GJA8: variants seen among roughly 807,000 people sequenced by gnomAD.
The protein encoded by GJA8 is gap junction protein alpha 8.
Under a neutral mutation model 15.3 loss-of-function variants are expected in GJA8, and 13 were observed. The observed-to-expected ratio is 0.85, with a 90% CI of 0.55 to 1.35. GJA8 has a LOEUF of 1.35. Ranked by LOEUF, GJA8 falls within the 40% of genes most tolerant of loss-of-function variation. The pLI, the probability that GJA8 is intolerant of heterozygous loss-of-function variation, is 0.00. For synonymous variants in GJA8, 304 were observed against 238.7 expected, an observed-to-expected ratio of 1.27 and a Z score of -2.52; for missense variants, 607 against 553.3, an observed-to-expected ratio of 1.10 and a Z score of -0.97.
At chr1:147,907,708 G>GTAT (rs1651853143) in intron 1 of GJA8, among the ~76,000 whole-genome samples, 1 of 152,204 alleles carries the variant, frequency 6.6e-6, no homozygotes, top group South Asian at 2.1e-4. Context: ...ATGAGAATAG[G>GTAT]TATTATTATT....
intron 1 of GJA8, among the ~76,000 whole-genome samples, chr1:147,906,695 G>A (rs1326947752): frequency 6.6e-6 from 1 of 152,088 alleles, no homozygotes; most frequent in Non-Finnish European, 1.5e-5. Context: ...TTTCAACCTA[G>A]AGAAGAGGAA....
chr1:147,903,463 G>C (rs1553241879), intron 1 of GJA8, among the ~76,000 whole-genome samples: 1 of 152,194 alleles, frequency 6.6e-6, no homozygotes, highest in East Asian at 1.9e-4. Context: ...AGAGTGGTAA[G>C]TGGCCATTGA....
At chr1:147,912,568 A>C (rs587705634), downstream of GJA8, among the ~76,000 whole-genome samples, 89 of 152,302 alleles carry the variant, frequency 5.8e-4, no homozygotes, top group African/African-American at 1.9e-3. Context: ...TACACCACTC[A>C]GCATCTGTTT....
chr1:147,910,213 A>C (rs1652056488), downstream of GJA8, among the ~76,000 whole-genome samples: 1 of 152,198 alleles, frequency 6.6e-6, no homozygotes, highest in South Asian at 2.1e-4. Context: ...TTGGCAACTA[A>C]ATTTTAAATA....
At chr1:147,909,293 T>C, downstream of GJA8, 1 of 1,360,904 alleles carries the variant, frequency 7.3e-7, no homozygotes, top group Non-Finnish European at 1.0e-6. Context: ...ACGCCCAAGC[T>C]TACGTAGGGC....
At chr1:147,911,551 C>G (rs887738152), downstream of GJA8, among the ~76,000 whole-genome samples, 1 of 152,118 alleles carries the variant, frequency 6.6e-6, no homozygotes. Context: ...CTTGGAGGCA[C>G]GTGATTTTCT....
chr1:147,908,896 G>C lies in GJA8; in HGVS notation c.941G>C (p.Arg314Pro). ...ACAGGACCCCTGGGGGACTTGTCCC[G>C]GGGCTACCAAGAGACACTGCCTTCC... Reference protein sequence around the residue: ...ISTGPLGDLSRGYQETLPSYA... With the variant: ...ISTGPLGDLSPGYQETLPSYA... Residue 314 changes from arginine (R) to proline (P), a missense_variant, in exon 2 of 2, where the codon CGG (arginine) becomes CCG (proline). Arg to Pro is a moderately radical substitution (Grantham distance 103, BLOSUM62 -2). Transcript: ENST00000369235. 1 of 1,613,842 alleles carries C rather than the reference G, an allele frequency of 6.2e-7. No homozygotes were observed. The highest frequency in any genetic ancestry group is 1.3e-5 in the African/African-American group (1 of 75,030).
chr1:147,909,284 C>T (rs781801826), downstream of GJA8: 17 of 1,049,270 alleles, frequency 1.6e-5, no homozygotes, highest in East Asian at 1.2e-4. Context: ...AAAAAAAAAA[C>T]GCCCAAGCTT....
At position 147,903,196 on chromosome 1, in the gene GJA8, T is replaced by C. The variant is rs190437558; in HGVS notation, c.-12+335T>C. Among the ~76,000 whole-genome samples the C allele has an allele frequency of 2.3e-3, 350 of 152,364 alleles. 2 individuals carry two copies. The highest frequency in any genetic ancestry group is 8.2e-3 in the African/African-American group (342 of 41,586). ...ACCTAAACCAAGTATTTGATATTTA[T>C]GAAAAAGTTTTGTGCCCTTTTCACT... On this transcript the variant is annotated intron_variant, in intron 1 of 1. Transcript: ENST00000369235.
chr1:147,910,882 G>T (rs1160113672), downstream of GJA8, among the ~76,000 whole-genome samples: 1 of 152,146 alleles, frequency 6.6e-6, no homozygotes, highest in Admixed American at 6.5e-5. Context: ...AGAGGCTAAA[G>T]GGAACAAGAA....
chr1:147,902,902 C>G (rs1398599083), intron 1 of GJA8, among the ~76,000 whole-genome samples, 41 bp downstream of exon 1: 2 of 152,174 alleles, frequency 1.3e-5, no homozygotes, highest in East Asian at 1.9e-4. Flanking sequence ...AACCTTCCCC[C>G]CAATTGTTCT....
downstream of GJA8, among the ~76,000 whole-genome samples, chr1:147,909,835 T>C (rs1652032710): frequency 6.6e-6 from 1 of 152,190 alleles, no homozygotes; most frequent in Non-Finnish European, 1.5e-5. Context: ...AAGTGTTACC[T>C]GGTCTTTCTG....
chr1:147,908,198 G>A lies in GJA8; in HGVS notation c.243G>A (p.Gln81=), dbSNP rs782079378. The change falls in exon 2 of 2, where the codon CAG becomes CAA. Residue 81 remains glutamine, a synonymous_variant. Transcript: ENST00000369235. The part of the protein sequence containing the change: ...PISHIRLWVL[Q]IIFVSTPSLM... ...CCCACATTCGCCTCTGGGTGCTGCA[G>A]ATCATCTTCGTCTCCACCCCGTCCC... The A allele has an allele frequency of 3.1e-6, 5 of 1,614,246 alleles. No individual in the cohort carries two copies. The highest frequency in any genetic ancestry group is 3.4e-6 in the Non-Finnish European group (4 of 1,180,050).
chr1:147,905,189 T>C (rs1651742604), intron 1 of GJA8, among the ~76,000 whole-genome samples: 1 of 152,194 alleles, frequency 6.6e-6, no homozygotes, highest in African/African-American at 2.4e-5. Context: ...TACAGGAATT[T>C]GGGGATTGAG....
In GJA8 at chr1:147,908,013, G is replaced by A. The variant is rs782298787; in HGVS notation, c.58G>A (p.Val20Ile). The A allele has an allele frequency of 9.3e-6, 15 of 1,613,958 alleles. No homozygotes were observed. The highest frequency in any genetic ancestry group is 3.3e-5 in the South Asian group (3 of 91,074). Residue 20 changes from valine to isoleucine, a missense_variant, in exon 2 of 2, where the codon GTC (valine) becomes ATC (isoleucine). Val to Ile is a conservative substitution (Grantham distance 29). Coordinates refer to ENST00000369235, the MANE Select transcript of GJA8 (RefSeq NM_005267.5). ...ILEEVNEHSTVIGRVWLTVLF... is the reference protein window; with the variant it reads ...ILEEVNEHSTIIGRVWLTVLF... ...GGAGGAGGTGAATGAGCACTCCACC[G>A]TCATCGGCAGAGTCTGGCTCACCGT... is the stretch of plus-strand genomic sequence containing the variant.
At position 147,908,670 on chromosome 1, in the gene GJA8, C is replaced by T. The variant is rs1037159581; in HGVS notation, c.715C>T (p.Pro239Ser). The T allele has an allele frequency of 5.0e-6, 8 of 1,613,936 alleles. No individual in the cohort carries two copies. Among genetic ancestry groups the T allele is most frequent in the Non-Finnish European group, 6.8e-6 (8 of 1,179,954 alleles). Residue 239 changes from proline to serine, a missense_variant, in exon 2 of 2, where the codon CCT becomes TCT. Transcript: ENST00000369235. Reference protein sequence around the residue: ...LKGIRSALKRPVEQPLGEIPE... With the variant: ...LKGIRSALKRSVEQPLGEIPE... ...GGGGATCCGGTCTGCCTTGAAGAGG[C>T]CTGTAGAGCAGCCCCTGGGGGAGAT...
chr1:147,908,759 C>T lies in GJA8; in HGVS notation c.804C>T (p.Leu268=), dbSNP rs3766503. 68,237 of 1,614,040 alleles carry T rather than the reference C, an allele frequency of 0.042. 1,643 individuals carry two copies. Among genetic ancestry groups the T allele is most frequent in the African/African-American group, 0.073 (5,487 of 75,018 alleles). Residue 268 remains leucine (L), a synonymous_variant, in exon 2 of 2, where the codon CTC becomes CTT. Coordinates refer to ENST00000369235, the MANE Select transcript of GJA8 (RefSeq NM_005267.5). ...TCCAGAAAGCCAAGGGCTATCAGCTCCTAGAAGAAGAGAAAATCGTTTCCC... is the reference window on the plus strand; with the variant it reads ...TCCAGAAAGCCAAGGGCTATCAGCTTCTAGAAGAAGAGAAAATCGTTTCCC... The part of the protein sequence containing the change: ...SSIQKAKGYQ[L]LEEEKIVSHY...
chr1:147,904,694 T>A (rs1553242049), intron 1 of GJA8, among the ~76,000 whole-genome samples: 6 of 152,198 alleles, frequency 3.9e-5, no homozygotes. Flanking sequence ...AAATTTTCAC[T>A]GTTAGAAGTC....
chr1:147,909,270 GAAAA>G (rs34123490), downstream of GJA8: 25 of 1,095,508 alleles, frequency 2.3e-5, no homozygotes, highest in Non-Finnish European at 2.6e-5. Context: ...TGACGCCAAA[GAAAA>G]AAAAAAAAAC....
Sources: gnomAD v4.1 joint callset for allele counts (sites outside exome capture counted in the v4.1 genomes callset) on GRCh38, gnomAD v4.1.1 for gene constraint, MANE v1.5 for transcripts, NCBI Gene and HGNC (gene_info 2026-07-23, HGNC 2026-07-21) for gene names.